PLAAT3: variants seen among roughly 807,000 people sequenced by gnomAD.
PLAAT3 encodes the protein Ca-independent phospholipase A1/2.
Under a neutral mutation model 16.7 loss-of-function variants are expected in PLAAT3, and 21 were observed. The ratio of observed to expected loss-of-function variants is 1.26; its 90% confidence interval spans 0.89 to 1.81. PLAAT3 has a LOEUF of 1.81. Ranked by LOEUF, PLAAT3 falls within the 40% of genes most tolerant of loss-of-function variation. The pLI, the probability that PLAAT3 is intolerant of heterozygous loss-of-function variation, is 0.00. For missense variants in PLAAT3, 219 were observed against 213.7 expected, an observed-to-expected ratio of 1.02 and a Z score of -0.16; for synonymous variants, 76 against 81.7, an observed-to-expected ratio of 0.93 and a Z score of 0.38.
rs748851566 is a variant in PLAAT3 at position 63,589,409 on chromosome 11, C to CAAAA, written c.387+690_387+691insTTTT. Among the ~76,000 whole-genome samples the CAAAA allele has an allele frequency of 1.1e-3, 33 of 30,624 alleles. 8 individuals carry two copies. The highest frequency in any genetic ancestry group is 1.3e-3 in the Non-Finnish European group (16 of 12,502). 20.1% of individuals were successfully genotyped at this position (30,624 alleles called of 152,430 possible). On this transcript the variant is annotated intron_variant, in intron 4 of 4. Transcript: ENST00000415826. ...CTTCCCAATGTTCTTTTCACCTATG[C>CAAAA]AAAGAAAAAAAAAAAAAAAAAGATG...
chr11:63,580,452 G>A lies in PLAAT3; in HGVS notation c.388-5406C>T, dbSNP rs184587112. Among the ~76,000 whole-genome samples the A allele has an allele frequency of 6.6e-3, 997 of 152,196 alleles. 8 individuals are homozygous for A. Among genetic ancestry groups the A allele is most frequent in the Non-Finnish European group, 9.1e-3 (617 of 68,000 alleles). On this transcript the variant is annotated intron_variant, in intron 4 of 4. Coordinates refer to ENST00000415826, the MANE Select transcript of PLAAT3 (RefSeq NM_001128203.2). ...GGGTGGATCACGAGGTCAGGAGTTC[G>A]AGACCAGCCTGGCCAACATGGTGAA...
upstream of PLAAT3, among the ~76,000 whole-genome samples, chr11:63,615,118 ATG>A (rs1399756403): frequency 3.8e-4 from 13 of 34,296 alleles, no homozygotes; most frequent in African/African-American, 7.7e-4. Flanking sequence ...GTGTGTATAT[ATG>A]TGTGTATATA....
At chr11:63,612,686 C>T (rs1938722573) in intron 2 of PLAAT3, among the ~76,000 whole-genome samples, 1 of 152,142 alleles carries the variant, frequency 6.6e-6, no homozygotes, top group African/African-American at 2.4e-5. Context: ...TGATACCATC[C>T]TACATCTAAG....
In PLAAT3 at chr11:63,574,874, C is replaced by T; in HGVS notation, c.*71G>A. ...ATCACAATGAAATCCACAAACCAAACCCCAAACTCTCTAGCAAAACAAGAC... is the reference window on the plus strand; with the variant it reads ...ATCACAATGAAATCCACAAACCAAATCCCAAACTCTCTAGCAAAACAAGAC... On this transcript the variant is annotated 3_prime_UTR_variant, in exon 5 of 5. Transcript: ENST00000415826. 1.1e-6 allele frequency: 1 copy of T among 908,928 alleles called. No homozygotes were observed. Among genetic ancestry groups the T allele is most frequent in the Non-Finnish European group, 1.8e-6 (1 of 545,306 alleles). The allele number at this position is 908,928 out of a possible 1,614,324, so 56.3% of individuals were successfully genotyped here. A position where few individuals can be genotyped will look rare whatever the true frequency, so the allele number is the denominator to read the frequency against.
chr11:63,602,248 C>T (rs1938451232), intron 2 of PLAAT3, among the ~76,000 whole-genome samples: 4 of 150,686 alleles, frequency 2.7e-5, no homozygotes, highest in Admixed American at 2.7e-4. Context: ...CAAGATCGCA[C>T]CACTGCCCTC....
At chr11:63,609,995 AC>A (rs1938654898) in intron 2 of PLAAT3, among the ~76,000 whole-genome samples, 1 of 152,138 alleles carries the variant, frequency 6.6e-6, no homozygotes, top group African/African-American at 2.4e-5. Flanking sequence ...GCCCCATGTT[AC>A]CAATCGGGAA....
chr11:63,579,874 A>AT (rs1937753071), intron 4 of PLAAT3, among the ~76,000 whole-genome samples: 2 of 140,728 alleles, frequency 1.4e-5, no homozygotes, highest in South Asian at 4.4e-4. Context: ...AAGTATAATA[A>AT]AAAAAAAAAA....
chr11:63,593,316 G>A lies in PLAAT3; in HGVS notation c.119-2948C>T, dbSNP rs908563957. Among the ~76,000 whole-genome samples the A allele has an allele frequency of 3.3e-5, 5 of 152,346 alleles. No individual in the cohort carries two copies. In the East Asian group the frequency reaches 7.7e-4, roughly 23 times the overall value. ...GGCTGCTGTTGCTCAGGCTGGGGAG[G>A]CCACCCCAAGGAAAAGGCATCTTTG... On this transcript the variant is annotated intron_variant, in intron 3 of 4. Coordinates refer to ENST00000415826, the MANE Select transcript of PLAAT3 (RefSeq NM_001128203.2).
At chr11:63,610,281 A>G (rs1040929018) in intron 2 of PLAAT3, among the ~76,000 whole-genome samples, 1 of 152,196 alleles carries the variant, frequency 6.6e-6, no homozygotes, top group Non-Finnish European at 1.5e-5. Flanking sequence ...CCACTCCTCA[A>G]TGCATCCCCT....
At chr11:63,612,926 T>C (rs950735554) in intron 2 of PLAAT3, among the ~76,000 whole-genome samples, 3 of 152,206 alleles carry the variant, frequency 2.0e-5, no homozygotes, top group African/African-American at 7.2e-5. Flanking sequence ...TTGCTAAAAA[T>C]AATGTTATCA....
At chr11:63,590,472 G>C (rs1938124705) in intron 3 of PLAAT3, 104 bp from the exon 4 acceptor site, 1 of 964,870 alleles carries the variant, frequency 1.0e-6, no homozygotes, top group Admixed American at 2.1e-5. Flanking sequence ...CATCCACAAA[G>C]GATAAGCAAC....
At chr11:63,612,670 C>T (rs1189946352) in intron 2 of PLAAT3, among the ~76,000 whole-genome samples, 2 of 152,214 alleles carry the variant, frequency 1.3e-5, no homozygotes, top group Non-Finnish European at 2.9e-5. Flanking sequence ...TACTATTATT[C>T]ATCTCTGATA....
rs114201210 is a variant in PLAAT3, at chr11:63,593,890, G to A, written c.119-3522C>T. 8.0e-3 allele frequency among the ~76,000 whole-genome samples: 1,211 copies of A among 152,136 alleles called. 14 individuals are homozygous for A. Among genetic ancestry groups the A allele is most frequent in the African/African-American group, 0.027 (1,136 of 41,496 alleles). ...CCACCGCACCTGGCCCTTGATTTACGCTTTCAAACAATCACACCACCTGCC... is the reference window on the plus strand; with the variant it reads ...CCACCGCACCTGGCCCTTGATTTACACTTTCAAACAATCACACCACCTGCC... On this transcript the variant is annotated intron_variant, in intron 3 of 4. Transcript: ENST00000415826.
At chr11:63,610,684 CA>C (rs1471331672) in intron 2 of PLAAT3, among the ~76,000 whole-genome samples, 1 of 152,194 alleles carries the variant, frequency 6.6e-6, no homozygotes, top group Non-Finnish European at 1.5e-5. Flanking sequence ...GATCACAGAG[CA>C]GTCAATGACG....
Position 63,607,505 on chromosome 11 carries a change from AAATAAT to A in PLAAT3, c.15+6489_15+6494del, listed in dbSNP as rs767827671. The stretch of plus-strand genomic sequence containing the variant: ...TGAGACCCCATCTCTAAAATTTAAA[AAATAAT>A]AATAATAATAATAAAGAAAAGAGAG... On this transcript the variant is annotated intron_variant, in intron 2 of 4. Coordinates refer to ENST00000415826, the MANE Select transcript of PLAAT3 (RefSeq NM_001128203.2). Among the ~76,000 whole-genome samples, 3 of 151,876 alleles carry A rather than the reference AAATAAT, an allele frequency of 2.0e-5. No homozygotes were observed. In the East Asian group the frequency reaches 5.8e-4, roughly 29 times the overall value.
At chr11:63,597,341 G>A (rs974339694) in intron 3 of PLAAT3, among the ~76,000 whole-genome samples, 6 of 151,934 alleles carry the variant, frequency 3.9e-5, no homozygotes, top group African/African-American at 7.3e-5. Context: ...TGGCTAACAC[G>A]GTGAAACCCC....
At chr11:63,579,726 G>A (rs1412565436) in intron 4 of PLAAT3, among the ~76,000 whole-genome samples, 1 of 101,680 alleles carries the variant, frequency 9.8e-6, no homozygotes, top group Non-Finnish European at 1.8e-5. Flanking sequence ...CTGTTGTGGG[G>A]TGGGGGGAGG....
At chr11:63,613,144 G>A (rs1310434356) in intron 2 of PLAAT3, among the ~76,000 whole-genome samples, 2 of 152,206 alleles carry the variant, frequency 1.3e-5, no homozygotes, top group African/African-American at 4.8e-5. Context: ...GGGCTCGGTG[G>A]CTCACGCCTG....
At chr11:63,607,260 C>A (rs970412420) in intron 2 of PLAAT3, among the ~76,000 whole-genome samples, 1 of 151,996 alleles carries the variant, frequency 6.6e-6, no homozygotes, top group Admixed American at 6.6e-5. Context: ...GGGGACACAG[C>A]GCACACATCA....
Sources: gnomAD v4.1 joint callset for allele counts (sites outside exome capture counted in the v4.1 genomes callset) on GRCh38, gnomAD v4.1.1 for gene constraint, MANE v1.5 for transcripts, NCBI Gene and HGNC (gene_info 2026-07-23, HGNC 2026-07-21) for gene names.